The following KIF26B variants were observed in gnomAD, a reference collection of about 807,000 sequenced individuals.
The protein encoded by KIF26B is kinesin family member 26B, also known as kinesin-like protein KIF26B.
Under a neutral mutation model 151.2 loss-of-function variants are expected in KIF26B, and 63 were observed. The ratio of observed to expected loss-of-function variants is 0.42; its 90% confidence interval spans 0.34 to 0.51. KIF26B has a LOEUF of 0.51. Among genes scored for constraint, KIF26B ranks in the 20% least tolerant of loss-of-function variants. The pLI is 0.07. For synonymous variants in KIF26B, 1,357 were observed against 1,262.1 expected (o/e 1.08, Z -1.59); for missense variants, 2,813 against 2,913.6 (o/e 0.97, Z 0.79).
intron 2 of KIF26B, among the ~76,000 whole-genome samples, chr1:245,335,273 T>C (rs1331170478): frequency 6.6e-6 from 1 of 152,218 alleles, no homozygotes; most frequent in African/African-American, 2.4e-5. Context: ...CGTCTCAGTC[T>C]AATCCAGTCT....
At position 245,560,146 on chromosome 1, in the gene KIF26B, C is replaced by T. The variant is rs1011465491; in HGVS notation, c.1350+19196C>T. 2.0e-5 allele frequency among the ~76,000 whole-genome samples: 3 copies of T among 152,130 alleles called. No homozygotes were observed. Among genetic ancestry groups the T allele is most frequent in the African/African-American group, 7.2e-5 (3 of 41,398 alleles). ...TGTGCCTGTGTCCCCTACTCCAGAC[C>T]GTGAGTTGTGGATGAAAGGGGCTGT... On this transcript the variant is annotated intron_variant, in intron 5 of 14. Transcript: ENST00000407071. This position sits in a 1 kb window ranked among gnomAD's most constrained non-coding sequence, Gnocchi z 4.3.
intron 4 of KIF26B, among the ~76,000 whole-genome samples, chr1:245,522,199 C>T (rs899850403): frequency 4.1e-4 from 62 of 152,124 alleles, no homozygotes; most frequent in African/African-American, 1.1e-3. Flanking sequence ...CCATGGACCA[C>T]GCTGGTAGAT....
At chr1:245,556,388 T>TTCC (rs1662040090) in intron 5 of KIF26B, among the ~76,000 whole-genome samples, 1 of 131,560 alleles carries the variant, frequency 7.6e-6, no homozygotes. Flanking sequence ...CTTCTTCTTC[T>TTCC]TCCTTCTTTC....
intron 9 of KIF26B, among the ~76,000 whole-genome samples, chr1:245,619,790 G>C (rs1339615151): frequency 6.7e-6 from 1 of 149,894 alleles, no homozygotes; most frequent in East Asian, 2.0e-4. Context: ...GCGGGCGCCT[G>C]TAGTCCCAGC....
intron 9 of KIF26B, among the ~76,000 whole-genome samples, chr1:245,632,783 C>T (rs972440879): frequency 6.6e-6 from 1 of 152,154 alleles, no homozygotes; most frequent in African/African-American, 2.4e-5. Context: ...TGGCATGCAC[C>T]TGTAGTGCCA....
intron 2 of KIF26B, among the ~76,000 whole-genome samples, chr1:245,347,661 C>G (rs189324435): frequency 1.3e-5 from 2 of 152,110 alleles, no homozygotes; most frequent in Non-Finnish European, 2.9e-5. Context: ...TTTTAAAATG[C>G]GTGTTTATAC....
chr1:245,235,961 G>A (rs1250301074), intron 2 of KIF26B, among the ~76,000 whole-genome samples: 1 of 143,736 alleles, frequency 7.0e-6, no homozygotes, highest in African/African-American at 2.6e-5. Flanking sequence ...ACAGAGTCTC[G>A]CTCTGTCACC....
At chr1:245,380,497 G>A (rs992559486) in intron 3 of KIF26B, among the ~76,000 whole-genome samples, 1 of 152,178 alleles carries the variant, frequency 6.6e-6, no homozygotes, top group African/African-American at 2.4e-5. Flanking sequence ...CCACCTGCTT[G>A]TTCATGACGT....
intron 2 of KIF26B, among the ~76,000 whole-genome samples, chr1:245,245,688 T>C (rs1284604638): frequency 6.6e-6 from 1 of 151,972 alleles, no homozygotes; most frequent in African/African-American, 2.4e-5. Flanking sequence ...ACCCCGGCAC[T>C]TTGGGAGGCC....
At chr1:245,681,431 G>C (rs181432579) in intron 10 of KIF26B, among the ~76,000 whole-genome samples, 12 of 152,188 alleles carry the variant, frequency 7.9e-5, no homozygotes, top group African/African-American at 1.4e-4. Flanking sequence ...GGATGTTCTT[G>C]ATCTCCTGAC....
At position 245,607,223 on chromosome 1, in the gene KIF26B, C is replaced by T. The variant is rs1028576500; in HGVS notation, c.1558-428C>T. Among the ~76,000 whole-genome samples, 14 of 152,130 alleles carry T rather than the reference C, an allele frequency of 9.2e-5. No homozygotes were observed. In the East Asian group the frequency reaches 2.5e-3, roughly 27 times the overall value. ...TGTGAAATGGTGGGTCACCTTTTTC[C>T]CTCTCATAAGCCTGGCCTGTTTAAT... On this transcript the variant is annotated intron_variant, in intron 6 of 14. Transcript: ENST00000407071.
chr1:245,473,616 C>A (rs907323211), intron 4 of KIF26B, among the ~76,000 whole-genome samples: 2 of 151,908 alleles, frequency 1.3e-5, no homozygotes, highest in Non-Finnish European at 2.9e-5. Context: ...AGCAAAAGAA[C>A]CACTCAGTGC....
intron 9 of KIF26B, among the ~76,000 whole-genome samples, chr1:245,640,799 A>C (rs1449830802): frequency 6.6e-6 from 1 of 152,174 alleles, no homozygotes; most frequent in African/African-American, 2.4e-5. Flanking sequence ...AAAGAAAAAA[A>C]CACATGCATT....
intron 5 of KIF26B, among the ~76,000 whole-genome samples, chr1:245,592,846 T>A (rs1311455377): frequency 6.6e-6 from 1 of 152,222 alleles, no homozygotes; most frequent in Non-Finnish European, 1.5e-5. Context: ...CTGGGGTCCT[T>A]TCAGGCATGG....
chr1:245,461,598 C>T (rs1659648310), intron 4 of KIF26B, among the ~76,000 whole-genome samples: 2 of 152,122 alleles, frequency 1.3e-5, no homozygotes, highest in Admixed American at 6.5e-5. Flanking sequence ...GCTCCCATCA[C>T]CTCCAGCTGC....
chr1:245,270,905 C>T (rs533404063), intron 2 of KIF26B, among the ~76,000 whole-genome samples: 20 of 152,272 alleles, frequency 1.3e-4, no homozygotes, highest in African/African-American at 4.6e-4. Context: ...ACATTTAAGT[C>T]CTTTAATCCA....
intron 2 of KIF26B, among the ~76,000 whole-genome samples, chr1:245,290,743 C>T (rs1004840717): frequency 2.6e-5 from 4 of 152,258 alleles, no homozygotes; most frequent in Non-Finnish European, 5.9e-5. Flanking sequence ...GTCACAGCCT[C>T]ATTTTACCCA....
chr1:245,351,570 T>G (rs775626967), intron 2 of KIF26B, among the ~76,000 whole-genome samples: 1 of 152,232 alleles, frequency 6.6e-6, no homozygotes, highest in Non-Finnish European at 1.5e-5. Context: ...CTTTGATGTC[T>G]GTGATTCCAT....
At chr1:245,269,093 C>T (rs1573743700) in intron 2 of KIF26B, among the ~76,000 whole-genome samples, 2 of 152,150 alleles carry the variant, frequency 1.3e-5, no homozygotes, top group Admixed American at 6.5e-5. Context: ...TTAAAGTGTA[C>T]AATACAATAT....
Sources: gnomAD v4.1 joint callset for allele counts (sites outside exome capture counted in the v4.1 genomes callset) on GRCh38, gnomAD v4.1.1 for gene constraint, Gnocchi (gnomAD v3.1) non-coding constraint, MANE v1.5 for transcripts, NCBI Gene and HGNC (gene_info 2026-07-23, HGNC 2026-07-21) for gene names.